Variants in COL23A1 observed in about 807,000 individuals in gnomAD.
COL23A1 encodes collagen type XXIII alpha 1 chain, also known as collagen alpha-1(XXIII) chain.
In COL23A1, 97 loss-of-function variants were observed where a neutral mutation model predicts 99.3. The ratio of observed to expected loss-of-function variants is 0.98; its 90% confidence interval spans 0.83 to 1.16. The LOEUF (loss-of-function observed/expected upper bound fraction) is 1.16, where lower values mean the gene tolerates loss of function less well. COL23A1 is among the 50% of genes most tolerant of loss of function. The pLI, the probability that COL23A1 is intolerant of heterozygous loss-of-function variation, is 0.00. For missense variants in COL23A1, 762 were observed against 757.4 expected, an observed-to-expected ratio of 1.01 and a Z score of -0.07; for synonymous variants, 320 against 308.2, an observed-to-expected ratio of 1.04 and a Z score of -0.40.
chr5:178,288,263 G>A, intron 5 of COL23A1, 61 bp downstream of exon 5: 1 of 1,355,280 alleles, frequency 7.4e-7, no homozygotes, highest in African/African-American at 1.4e-5. Context: ...CAAGGCTCAG[G>A]GAAAGAATAT....
At chr5:178,316,271 A>G (rs1561854955) in intron 2 of COL23A1, among the ~76,000 whole-genome samples, 1 of 152,250 alleles carries the variant, frequency 6.6e-6, no homozygotes, top group Non-Finnish European at 1.5e-5. Context: ...AAAGAAACAT[A>G]TATGAAATAC....
At chr5:178,267,997 G>A (rs917154551) in intron 7 of COL23A1, among the ~76,000 whole-genome samples, 26 of 152,228 alleles carry the variant, frequency 1.7e-4, no homozygotes, top group Non-Finnish European at 1.2e-4. Context: ...ATGCAAAGCC[G>A]AGCTTCTGAA....
In COL23A1 at chr5:178,590,172, C is replaced by G; in HGVS notation, c.26G>C (p.Gly9Ala). ...ATTGCCCTTCCCCGCGTCGCCGCCG[C>G]CACCGGCGCGCTCGCCTGGGCCCAT... MGPGERAGGGGDAGKGNAA... is the reference protein window; with the variant it reads MGPGERAGAGGDAGKGNAA... Residue 9 changes from glycine to alanine, a missense_variant, in exon 1 of 29, where the codon GGC becomes GCC. Transcript: ENST00000390654. This position sits in a 1 kb window ranked among gnomAD's most constrained non-coding sequence, Gnocchi z 5.7. 4 of 1,221,004 alleles carry G rather than the reference C, an allele frequency of 3.3e-6. No individual in the cohort carries two copies. Among genetic ancestry groups the G allele is most frequent in the Non-Finnish European group, 4.1e-6 (4 of 984,948 alleles). The allele number at this position is 1,221,004 out of a possible 1,614,324, so 75.6% of individuals were successfully genotyped here.
At chr5:178,374,879 G>A (rs1459411160) in intron 2 of COL23A1, among the ~76,000 whole-genome samples, 5 of 152,098 alleles carry the variant, frequency 3.3e-5, no homozygotes, top group Non-Finnish European at 7.4e-5. Flanking sequence ...GAGGCATCAG[G>A]AGTCAAATTA....
chr5:178,251,846 T>G (rs1387640733), intron 17 of COL23A1, among the ~76,000 whole-genome samples: 1 of 152,170 alleles, frequency 6.6e-6, no homozygotes, highest in Non-Finnish European at 1.5e-5. Flanking sequence ...CACTTTTAAG[T>G]GAGAACATGC....
chr5:178,345,255 C>A (rs1428152489), intron 2 of COL23A1: 5 of 761,468 alleles, frequency 6.6e-6, no homozygotes, highest in Non-Finnish European at 1.1e-5. Flanking sequence ...CAAGACAGAC[C>A]TAAATTTGAT....
intron 1 of COL23A1, among the ~76,000 whole-genome samples, chr5:178,573,857 T>TC (rs904906245): frequency 7.5e-6 from 1 of 132,656 alleles, no homozygotes; most frequent in African/African-American, 3.0e-5. Context: ...ACCATAGGGT[T>TC]CTTTTTTTTT....
intron 1 of COL23A1, among the ~76,000 whole-genome samples, chr5:178,564,348 C>T (rs927064603): frequency 1.3e-5 from 2 of 152,056 alleles, no homozygotes; most frequent in African/African-American, 4.8e-5. Flanking sequence ...ATCCTGACTA[C>T]TAAGAATACA....
At chr5:178,405,215 C>G (rs965263419) in intron 2 of COL23A1, among the ~76,000 whole-genome samples, 6 of 152,230 alleles carry the variant, frequency 3.9e-5, no homozygotes, top group Non-Finnish European at 8.8e-5. Flanking sequence ...AACCACAGCC[C>G]GGCTCTGAGG....
At chr5:178,305,206 G>T (rs564563871) in intron 3 of COL23A1, among the ~76,000 whole-genome samples, 11 of 152,296 alleles carry the variant, frequency 7.2e-5, no homozygotes, top group African/African-American at 2.6e-4. Context: ...CTCAAAACAG[G>T]CTTCAGCTTC....
chr5:178,470,137 C>T lies in COL23A1; in HGVS notation c.361+90545G>A, dbSNP rs1325251874. ...GACATCTGCCTAACAGAGCAGCTGG[C>T]GGGCTAAACACATAAATTAATGCAA... is the stretch of plus-strand genomic sequence containing the variant. On this transcript the variant is annotated intron_variant, in intron 2 of 28. Coordinates refer to ENST00000390654, the MANE Select transcript of COL23A1 (RefSeq NM_173465.4). 2.6e-5 allele frequency among the ~76,000 whole-genome samples: 4 copies of T among 152,228 alleles called. No individual in the cohort carries two copies. In the East Asian group the frequency reaches 5.8e-4, roughly 22 times the overall value.
chr5:178,437,573 T>C (rs1766628567), intron 2 of COL23A1, among the ~76,000 whole-genome samples: 1 of 152,158 alleles, frequency 6.6e-6, no homozygotes, highest in Admixed American at 6.5e-5. Flanking sequence ...CAGCAAGGCA[T>C]GTGGCCTGCC....
At chr5:178,385,613 C>T (rs1014033794) in intron 2 of COL23A1, among the ~76,000 whole-genome samples, 1 of 152,204 alleles carries the variant, frequency 6.6e-6, no homozygotes, top group Non-Finnish European at 1.5e-5. Context: ...CTCTCATGCC[C>T]TTCCCCCGAA....
At chr5:178,257,939 G>A (rs571787660) in intron 12 of COL23A1, among the ~76,000 whole-genome samples, 20 of 152,304 alleles carry the variant, frequency 1.3e-4, no homozygotes, top group African/African-American at 4.3e-4. Flanking sequence ...TGTGGCTCAC[G>A]CCTTAATCCC....
chr5:178,487,464 C>A (rs749051664), intron 2 of COL23A1, among the ~76,000 whole-genome samples: 1 of 152,008 alleles, frequency 6.6e-6, no homozygotes, highest in South Asian at 2.1e-4. Flanking sequence ...AGATTACAGG[C>A]GTGCAACCAC....
chr5:178,399,594 A>G (rs1764328314), intron 2 of COL23A1, among the ~76,000 whole-genome samples: 1 of 152,230 alleles, frequency 6.6e-6, no homozygotes, highest in Non-Finnish European at 1.5e-5. Flanking sequence ...GAGACTCACC[A>G]AAAGCTCTGC....
chr5:178,453,847 A>G (rs984887376), intron 2 of COL23A1, among the ~76,000 whole-genome samples: 6 of 152,192 alleles, frequency 3.9e-5, no homozygotes, highest in Non-Finnish European at 5.9e-5. Flanking sequence ...ACTGACTCTC[A>G]AAACCTACTC....
rs1762339898 is a variant in COL23A1, at chr5:178,557,539, G to A, written c.361+3143C>T. Among the ~76,000 whole-genome samples, 3 of 152,268 alleles carry A rather than the reference G, an allele frequency of 2.0e-5. No homozygotes were observed. The South Asian group carries it at 6.2e-4, about 32-fold the overall frequency. Reference sequence around the variant, plus strand: ...GCCACCACACTCAGCCTCGCAATGGGTGGCACATCCAGAAGAGCCGCCCCT... The same window carrying A: ...GCCACCACACTCAGCCTCGCAATGGATGGCACATCCAGAAGAGCCGCCCCT... On this transcript the variant is annotated intron_variant, in intron 2 of 28. Transcript: ENST00000390654.
chr5:178,327,655 C>A (rs1022872807), intron 2 of COL23A1, among the ~76,000 whole-genome samples: 1 of 152,132 alleles, frequency 6.6e-6, no homozygotes, highest in Non-Finnish European at 1.5e-5. Context: ...GCAGAGCCCA[C>A]GTGCTGGAGT....
Sources: allele counts gnomAD v4.1 joint callset (sites outside exome capture counted in the v4.1 genomes callset), GRCh38; gene constraint gnomAD v4.1.1; non-coding constraint Gnocchi (gnomAD v3.1); transcripts MANE v1.5; gene names NCBI Gene and HGNC (gene_info 2026-07-23, HGNC 2026-07-21).